Variants in LARGE1 observed in about 807,000 individuals in gnomAD.
LARGE1 encodes LARGE xylosyl- and glucuronyltransferase 1.
A neutral mutation model predicts 87.6 loss-of-function variants in LARGE1; 43 were observed. That is an observed-to-expected ratio of 0.49 (90% confidence interval 0.38 to 0.63). The LOEUF (loss-of-function observed/expected upper bound fraction) is 0.63. LARGE1 is among the 30% of genes least tolerant of loss of function. LARGE1 has a pLI of 0.00. For synonymous variants in LARGE1, 434 were observed against 394.6 expected, an observed-to-expected ratio of 1.10 and a Z score of -1.18; for missense variants, 802 against 1,000.2, an observed-to-expected ratio of 0.80 and a Z score of 2.67.
At chr22:33,754,366 T>G (rs1170452116) in intron 2 of LARGE1, among the ~76,000 whole-genome samples, 1 of 151,814 alleles carries the variant, frequency 6.6e-6, no homozygotes, top group East Asian at 1.9e-4. Context: ...AGACGGAGTC[T>G]TGCTCTGTCA....
In LARGE1 at chr22:33,507,960, C is replaced by T. The variant is rs117655799; in HGVS notation, c.787+56888G>A. On this transcript the variant is annotated intron_variant, in intron 6 of 14. Coordinates refer to ENST00000397394, the MANE Select transcript of LARGE1 (RefSeq NM_133642.5). ...CCTTTAAATCCCACAATTCCTACCT[C>T]CTCCTTGCGTTTCTGACTAACTTCC... 5.2e-3 allele frequency among the ~76,000 whole-genome samples: 798 copies of T among 152,286 alleles called. 10 individuals carry two copies. The highest frequency in any genetic ancestry group is 0.018 in the African/African-American group (758 of 41,556).
chr22:33,683,785 C>T lies in LARGE1; in HGVS notation c.107-33117G>A, dbSNP rs572145527. 6.6e-5 allele frequency among the ~76,000 whole-genome samples: 10 copies of T among 152,236 alleles called. No individual in the cohort carries two copies. In the South Asian group the frequency reaches 2.1e-3, roughly 32 times the overall value. On this transcript the variant is annotated intron_variant, in intron 2 of 14. Coordinates refer to ENST00000397394, the MANE Select transcript of LARGE1 (RefSeq NM_133642.5). ...GAACTCTGCCAGTCAGGGTCCATTG[C>T]CTTCTCTTCCCAGTAAGTTGACTAT...
chr22:33,647,716 C>CT (rs1383795420), intron 3 of LARGE1, among the ~76,000 whole-genome samples: 8 of 152,160 alleles, frequency 5.3e-5, no homozygotes, highest in Admixed American at 1.3e-4. Flanking sequence ...CCTCAAGTTC[C>CT]AATATCCATT....
intron 11 of LARGE1, among the ~76,000 whole-genome samples, chr22:33,205,093 C>T (rs1403557949): frequency 6.6e-6 from 1 of 152,110 alleles, no homozygotes; most frequent in Non-Finnish European, 1.5e-5. Flanking sequence ...ATATACTGGT[C>T]ACACCTTGTC....
At chr22:33,082,172 G>C in the LARGE1 span, among the ~76,000 whole-genome samples, 2 of 152,110 alleles carry the variant, frequency 1.3e-5, no homozygotes, top group Non-Finnish European at 2.9e-5. Flanking sequence ...CAGATTCTAA[G>C]TTTCCATTTC....
chr22:33,571,126 C>G (rs1162217835), intron 5 of LARGE1, among the ~76,000 whole-genome samples: 2 of 152,176 alleles, frequency 1.3e-5, no homozygotes, highest in Non-Finnish European at 2.9e-5. Context: ...TAATTCTAAG[C>G]AGCATGGTCT....
intron 5 of LARGE1, among the ~76,000 whole-genome samples, chr22:33,581,077 T>G (rs1602547437): frequency 6.6e-6 from 1 of 152,358 alleles, no homozygotes; most frequent in South Asian, 2.1e-4. Context: ...ATTATTTCAT[T>G]GGATGCTTGA....
At chr22:33,719,547 G>C (rs2083022420) in intron 2 of LARGE1, among the ~76,000 whole-genome samples, 1 of 149,228 alleles carries the variant, frequency 6.7e-6, no homozygotes. Context: ...TTGAGACAGA[G>C]TCTCACTCTG....
At chr22:33,779,267 G>C (rs427767) in intron 1 of LARGE1, among the ~76,000 whole-genome samples, 2 of 151,922 alleles carry the variant, frequency 1.3e-5, no homozygotes, top group Non-Finnish European at 2.9e-5. Context: ...CTGGCTCTAT[G>C]GTGGGTGCTT....
At chr22:33,662,952 A>G (rs1362330770) in intron 2 of LARGE1, among the ~76,000 whole-genome samples, 1 of 152,194 alleles carries the variant, frequency 6.6e-6, no homozygotes, top group Non-Finnish European at 1.5e-5. Flanking sequence ...TCTTCACAGT[A>G]GTGTCCAACC....
At chr22:33,802,040 A>C (rs1166025107) in intron 1 of LARGE1, among the ~76,000 whole-genome samples, 1 of 152,042 alleles carries the variant, frequency 6.6e-6, no homozygotes, top group East Asian at 1.9e-4. Flanking sequence ...CTGGAGAAAA[A>C]AAAAAAAGAG....
At chr22:33,732,679 T>G (rs2083513030) in intron 2 of LARGE1, 1 of 152,220 alleles carries the variant, frequency 6.6e-6, no homozygotes, top group Non-Finnish European at 1.5e-5. Context: ...GTAAGCAAAT[T>G]CTTCGCAAAT....
rs145543632 is a variant in LARGE1, at chr22:33,679,571, G to A, written c.107-28903C>T. Among the ~76,000 whole-genome samples, 251 of 152,126 alleles carry A rather than the reference G, an allele frequency of 1.6e-3. 2 individuals carry two copies. Among genetic ancestry groups the A allele is most frequent in the African/African-American group, 5.7e-3 (237 of 41,514 alleles). On this transcript the variant is annotated intron_variant, in intron 2 of 14. Coordinates refer to ENST00000397394, the MANE Select transcript of LARGE1 (RefSeq NM_133642.5). ...AGAAGTTAGGAGAAAGGCCAGGTAC[G>A]GTGGTTCACACCTGTAATCCCAAAC...
chr22:33,849,228 C>T (rs2253073), intron 1 of LARGE1, among the ~76,000 whole-genome samples: 60,777 of 151,996 alleles, frequency 0.4, 12,236 homozygotes, highest in Admixed American at 0.51. Flanking sequence ...GAAAGCTGTC[C>T]CCTCAACTCC....
At chr22:33,850,576 G>T (rs762610144) in intron 1 of LARGE1, among the ~76,000 whole-genome samples, 1 of 152,176 alleles carries the variant, frequency 6.6e-6, no homozygotes, top group Admixed American at 6.5e-5. Flanking sequence ...ACAGACAGTC[G>T]TATTATTATT....
At chr22:33,602,047 C>T (rs1299385533) in intron 5 of LARGE1, among the ~76,000 whole-genome samples, 2 of 152,088 alleles carry the variant, frequency 1.3e-5, no homozygotes, top group Admixed American at 6.5e-5. Flanking sequence ...CAACCGGCCA[C>T]ACCACCCGAG....
intron 1 of LARGE1, among the ~76,000 whole-genome samples, chr22:33,875,032 C>A (rs928237631): frequency 1.3e-5 from 2 of 152,224 alleles, no homozygotes; most frequent in African/African-American, 4.8e-5. Flanking sequence ...CAGAGATACA[C>A]CACTCCATCT....
At chr22:33,092,302 T>C in the LARGE1 span, among the ~76,000 whole-genome samples, 22 of 152,074 alleles carry the variant, frequency 1.4e-4, no homozygotes, top group African/African-American at 2.9e-4. Context: ...AGAAATTTCA[T>C]TGGCTGCAGG....
intron 2 of LARGE1, among the ~76,000 whole-genome samples, chr22:33,662,089 A>AG (rs1196710577): frequency 1.3e-5 from 2 of 151,276 alleles, no homozygotes; most frequent in African/African-American, 4.9e-5. Flanking sequence ...AAAAAAAAAA[A>AG]AAAAAAAAAA....
Sources: gnomAD v4.1 joint callset for allele counts (sites outside exome capture counted in the v4.1 genomes callset) on GRCh38, gnomAD v4.1.1 for gene constraint, MANE v1.5 for transcripts, NCBI Gene and HGNC (gene_info 2026-07-23, HGNC 2026-07-21) for gene names.